The following KCND2 variants were observed in gnomAD, a reference collection of about 807,000 sequenced individuals.
KCND2 encodes potassium voltage-gated channel subfamily D member 2, also known as A-type voltage-gated potassium channel KCND2.
A neutral mutation model predicts 54.4 loss-of-function variants in KCND2; 16 were observed. That is an observed-to-expected ratio of 0.29 (90% CI 0.20 to 0.45). KCND2 has a LOEUF of 0.45. KCND2 is among the 20% of genes least tolerant of loss of function. KCND2 has a pLI of 1.00. For missense variants in KCND2, 486 were observed against 824.2 expected, an observed-to-expected ratio of 0.59 and a Z score of 5.02; for synonymous variants, 317 against 310.7, an observed-to-expected ratio of 1.02 and a Z score of -0.21.
chr7:120,522,370 G>A (rs186984955), intron 1 of KCND2, among the ~76,000 whole-genome samples: 5 of 152,252 alleles, frequency 3.3e-5, no homozygotes, highest in East Asian at 1.9e-4. Context: ...GACTTATGGC[G>A]TGACCCTGAG....
chr7:120,341,634 A>C (rs574632064), intron 1 of KCND2, among the ~76,000 whole-genome samples: 1 of 152,160 alleles, frequency 6.6e-6, no homozygotes. Flanking sequence ...GGATATGTCT[A>C]TAAATGACCT....
chr7:120,407,387 C>T (rs1801377934), intron 1 of KCND2, among the ~76,000 whole-genome samples: 1 of 151,888 alleles, frequency 6.6e-6, no homozygotes, highest in Non-Finnish European at 1.5e-5. Flanking sequence ...TATAAACAAA[C>T]CCCCCAAAAG....
rs565485270 is a variant in KCND2, at chr7:120,596,617, A to T, written c.1116-136286A>T. On this transcript the variant is annotated intron_variant, in intron 1 of 5. Coordinates refer to ENST00000331113, the MANE Select transcript of KCND2 (RefSeq NM_012281.3). ...CAAAGCATACACTCTTTCTAGATAA[A>T]TATTATTAGGAATCTGGATCAGCAT... is the stretch of plus-strand genomic sequence containing the variant. Among the ~76,000 whole-genome samples the T allele has an allele frequency of 2.0e-5, 3 of 152,304 alleles. No individual in the cohort carries two copies. In the East Asian group the frequency reaches 5.8e-4, roughly 29 times the overall value.
At position 120,396,324 on chromosome 7, in the gene KCND2, G is replaced by A. The variant is rs543459377; in HGVS notation, c.1115+120577G>A. ...AGAACTTCACAGAATCGACTGGCAT[G>A]TCTCAGCTTAGAGTTTCCTGATTTA... On this transcript the variant is annotated intron_variant, in intron 1 of 5. Coordinates refer to ENST00000331113, the MANE Select transcript of KCND2 (RefSeq NM_012281.3). Among the ~76,000 whole-genome samples the A allele has an allele frequency of 6.6e-5, 10 of 152,148 alleles. No individual in the cohort carries two copies. In the South Asian group the frequency reaches 1.2e-3, roughly 19 times the overall value.
intron 1 of KCND2, among the ~76,000 whole-genome samples, chr7:120,348,678 G>A (rs1436223349): frequency 6.6e-6 from 1 of 152,132 alleles, no homozygotes; most frequent in South Asian, 2.1e-4. Flanking sequence ...TCATCAAAAG[G>A]AAAGCTATGA....
chr7:120,506,902 TA>T (rs1483246017), intron 1 of KCND2, among the ~76,000 whole-genome samples: 1 of 151,838 alleles, frequency 6.6e-6, no homozygotes, highest in Non-Finnish European at 1.5e-5. Flanking sequence ...AAGTCTTTAG[TA>T]GTCATCCTTT....
chr7:120,318,867 A>G (rs951220973), intron 1 of KCND2, among the ~76,000 whole-genome samples: 1 of 152,108 alleles, frequency 6.6e-6, no homozygotes, highest in Non-Finnish European at 1.5e-5. Flanking sequence ...CAAATAGAAC[A>G]TCATTCACTT....
intron 1 of KCND2, among the ~76,000 whole-genome samples, chr7:120,542,449 AT>A: frequency 6.6e-6 from 1 of 152,254 alleles, no homozygotes; most frequent in Middle Eastern, 3.4e-3. Flanking sequence ...TTTCAACTGT[AT>A]TGATCCTACA....
intron 1 of KCND2, among the ~76,000 whole-genome samples, chr7:120,590,920 T>C (rs900556019): frequency 1.3e-5 from 2 of 152,210 alleles, no homozygotes; most frequent in Admixed American, 6.5e-5. Context: ...GAGAAAGTTA[T>C]GAAAAACTGT....
chr7:120,634,858 A>G (rs1793284477), intron 1 of KCND2, among the ~76,000 whole-genome samples: 1 of 152,080 alleles, frequency 6.6e-6, no homozygotes, highest in African/African-American at 2.4e-5. Flanking sequence ...CTCACAGGCC[A>G]TTCTCACCTG....
chr7:120,370,296 G>A (rs1048598591), intron 1 of KCND2, among the ~76,000 whole-genome samples: 7 of 151,950 alleles, frequency 4.6e-5, no homozygotes, highest in African/African-American at 9.7e-5. Flanking sequence ...CAGGGGAGGC[G>A]TGGCCAGATG....
intron 1 of KCND2, among the ~76,000 whole-genome samples, chr7:120,525,480 T>C (rs1791761428): frequency 6.6e-6 from 1 of 152,186 alleles, no homozygotes; most frequent in South Asian, 2.1e-4. Context: ...ATCAGCATAA[T>C]AGAAGCTGGT....
At chr7:120,644,213 A>C (rs1205011998) in intron 1 of KCND2, among the ~76,000 whole-genome samples, 2 of 152,164 alleles carry the variant, frequency 1.3e-5, no homozygotes, top group African/African-American at 4.8e-5. Context: ...GTATGGTAGG[A>C]GTGTCAGATG....
intron 1 of KCND2, among the ~76,000 whole-genome samples, chr7:120,430,168 A>G (rs1801768843): frequency 6.6e-6 from 1 of 152,088 alleles, no homozygotes; most frequent in African/African-American, 2.4e-5. Context: ...TCAAGGTGCT[A>G]GCATGCTTGG....
At chr7:120,693,260 A>G (rs1052663385) in intron 1 of KCND2, among the ~76,000 whole-genome samples, 1 of 152,164 alleles carries the variant, frequency 6.6e-6, no homozygotes, top group Admixed American at 6.5e-5. Flanking sequence ...AAAGGAAAAG[A>G]TATTAATAAT....
intron 1 of KCND2, among the ~76,000 whole-genome samples, chr7:120,331,700 T>G: frequency 6.6e-6 from 1 of 152,134 alleles, no homozygotes; most frequent in East Asian, 1.9e-4. Flanking sequence ...ACTTTTAATT[T>G]ATCTTCTAGA....
rs187075684 is a variant in KCND2 at position 120,651,192 on chromosome 7, C to T, written c.1116-81711C>T. ...GCAGAGGTTTCTGCTGCCTTTTGTT[C>T]AGCTATGCCCTGCCCCCAGAGGTGG... On this transcript the variant is annotated intron_variant, in intron 1 of 5. Coordinates refer to ENST00000331113, the MANE Select transcript of KCND2 (RefSeq NM_012281.3). Among the ~76,000 whole-genome samples, 362 of 143,482 alleles carry T rather than the reference C, an allele frequency of 2.5e-3. 44 individuals carry two copies. Among genetic ancestry groups the T allele is most frequent in the Admixed American group, 0.015 (217 of 14,802 alleles). 94.1% of individuals were successfully genotyped at this position (143,482 alleles called of 152,430 possible). A position where few individuals can be genotyped will look rare whatever the true frequency, so the allele number is the denominator to read the frequency against.
intron 1 of KCND2, among the ~76,000 whole-genome samples, chr7:120,476,309 A>G (rs1802532514): frequency 6.6e-6 from 1 of 152,232 alleles, no homozygotes; most frequent in South Asian, 2.1e-4. Context: ...CCAACTTACA[A>G]TGTGCCTGGC....
intron 1 of KCND2, among the ~76,000 whole-genome samples, chr7:120,611,271 T>C (rs1792951153): frequency 6.6e-6 from 1 of 152,236 alleles, no homozygotes; most frequent in African/African-American, 2.4e-5. Flanking sequence ...TTTAAAAATG[T>C]GAAGCCACAA....
Sources: gnomAD v4.1 joint callset for allele counts (sites outside exome capture counted in the v4.1 genomes callset) on GRCh38, gnomAD v4.1.1 for gene constraint, MANE v1.5 for transcripts, NCBI Gene and HGNC (gene_info 2026-07-23, HGNC 2026-07-21) for gene names.